Variants in MYO3B observed in about 807,000 individuals in gnomAD.
MYO3B encodes myosin IIIB, also known as myosin-IIIb.
A neutral mutation model predicts 174.6 loss-of-function variants in MYO3B; 156 were observed. The ratio of observed to expected loss-of-function variants is 0.89; its 90% CI spans 0.78 to 1.02. The LOEUF is 1.02. Ranked by LOEUF, MYO3B falls within the 50% of genes least tolerant of loss-of-function variation. MYO3B has a pLI of 0.00. For missense variants in MYO3B, 1,632 were observed against 1,639.4 expected, an observed-to-expected ratio of 1.00 and a Z score of 0.08; for synonymous variants, 563 against 569.1, an observed-to-expected ratio of 0.99 and a Z score of 0.15.
At chr2:170,335,561 C>T (rs2093941868) in intron 8 of MYO3B, 111 bp downstream of exon 8, 3 of 782,148 alleles carry the variant, frequency 3.8e-6, no homozygotes, top group East Asian at 2.6e-5. Context: ...TGCCTGTTAG[C>T]ACGTTATGAC....
intron 7 of MYO3B, among the ~76,000 whole-genome samples, chr2:170,276,149 A>C (rs1441254902): frequency 6.6e-6 from 1 of 152,198 alleles, no homozygotes; most frequent in Non-Finnish European, 1.5e-5. Flanking sequence ...AGCTGGTATC[A>C]ATTTCCCACC....
At chr2:170,420,871 C>T (rs1353626407) in intron 22 of MYO3B, among the ~76,000 whole-genome samples, 2 of 152,280 alleles carry the variant, frequency 1.3e-5, no homozygotes, top group Middle Eastern at 3.4e-3. Flanking sequence ...CCCCTCATCA[C>T]CACACCTCCC....
chr2:170,368,448 T>C (rs183814287), intron 8 of MYO3B, among the ~76,000 whole-genome samples: 92 of 152,354 alleles, frequency 6.0e-4, no homozygotes, highest in African/African-American at 2.0e-3. Flanking sequence ...ATCCAAATCA[T>C]CTTGAATAAC....
intron 32 of MYO3B, among the ~76,000 whole-genome samples, chr2:170,632,876 A>G (rs1310557120): frequency 6.6e-6 from 1 of 152,194 alleles, no homozygotes; most frequent in East Asian, 1.9e-4. Flanking sequence ...ATAAACTAGA[A>G]AATCTAGAAG....
intron 22 of MYO3B, among the ~76,000 whole-genome samples, chr2:170,408,144 G>A (rs75901536): frequency 3.3e-5 from 5 of 152,090 alleles, no homozygotes; most frequent in African/African-American, 4.8e-5. Flanking sequence ...AAAGCCATAC[G>A]ATATCATTAA....
chr2:170,500,478 T>G (rs1355616360), intron 27 of MYO3B, among the ~76,000 whole-genome samples: 1 of 152,160 alleles, frequency 6.6e-6, no homozygotes, highest in African/African-American at 2.4e-5. Context: ...GAGTTTGCCT[T>G]TAATAGATAG....
chr2:170,577,998 G>A (rs1374032458), intron 32 of MYO3B, among the ~76,000 whole-genome samples: 2 of 152,188 alleles, frequency 1.3e-5, no homozygotes, highest in Non-Finnish European at 1.5e-5. Flanking sequence ...ACGTTTACAT[G>A]CACACACAGG....
At chr2:170,308,586 G>A (rs1170245698) in intron 7 of MYO3B, among the ~76,000 whole-genome samples, 1 of 152,068 alleles carries the variant, frequency 6.6e-6, no homozygotes. Context: ...GTGCATCCAG[G>A]TCTCTGTGCC....
intron 8 of MYO3B, among the ~76,000 whole-genome samples, chr2:170,353,854 G>A (rs1405441069): frequency 6.6e-6 from 1 of 152,122 alleles, no homozygotes; most frequent in Non-Finnish European, 1.5e-5. Context: ...TATGGTTATG[G>A]AAGGCTAGTA....
At chr2:170,212,627 G>A (rs972897595) in intron 3 of MYO3B, among the ~76,000 whole-genome samples, 2 of 107,616 alleles carry the variant, frequency 1.9e-5, no homozygotes, top group African/African-American at 7.0e-5. Context: ...GAATTTATTG[G>A]GAGAAAAGGA....
chr2:170,410,840 A>G (rs1196978227), intron 22 of MYO3B, among the ~76,000 whole-genome samples: 1 of 152,010 alleles, frequency 6.6e-6, no homozygotes, highest in Non-Finnish European at 1.5e-5. Flanking sequence ...TGTCATAGTA[A>G]TGTTGGGTTT....
chr2:170,200,360 G>A (rs970239655), intron 3 of MYO3B, 76 bp downstream of exon 3: 2 of 1,517,496 alleles, frequency 1.3e-6, no homozygotes, highest in African/African-American at 1.4e-5. Context: ...TACCTAGAGG[G>A]TGTTTTAAGG....
At chr2:170,473,150 T>C (rs970291332) in intron 25 of MYO3B, among the ~76,000 whole-genome samples, 1 of 113,396 alleles carries the variant, frequency 8.8e-6, no homozygotes, top group East Asian at 2.3e-4. Context: ...TTTTTTTTTT[T>C]TTTTTTTTTT....
At chr2:170,305,772 G>T (rs140816564) in intron 7 of MYO3B, among the ~76,000 whole-genome samples, 2 of 151,910 alleles carry the variant, frequency 1.3e-5, no homozygotes, top group African/African-American at 4.8e-5. Context: ...ATTACTTTTC[G>T]AAACAGGGTC....
intron 8 of MYO3B, among the ~76,000 whole-genome samples, chr2:170,357,353 T>A (rs899518494): frequency 1.4e-4 from 19 of 134,992 alleles, no homozygotes; most frequent in East Asian, 2.1e-4. Flanking sequence ...ATATATATAT[T>A]TTATATATTA....
At chr2:170,463,468 A>G (rs1195066949) in intron 24 of MYO3B, 23 bp downstream of exon 24, 1 of 1,608,514 alleles carries the variant, frequency 6.2e-7, no homozygotes, top group East Asian at 2.2e-5. Flanking sequence ...CTTGATCTCT[A>G]TTCTGCCTGC....
chr2:170,399,914 C>T lies in MYO3B; in HGVS notation c.1792-274C>T, dbSNP rs567183077. 1.1e-3 allele frequency among the ~76,000 whole-genome samples: 164 copies of T among 152,272 alleles called. 1 individual carries two copies. Among genetic ancestry groups the T allele is most frequent in the Non-Finnish European group, 1.5e-3 (101 of 68,030 alleles). On this transcript the variant is annotated intron_variant, in intron 16 of 34. Coordinates refer to ENST00000408978, the MANE Select transcript of MYO3B (RefSeq NM_138995.5). ...GTAAGGCTGTGCTGGGAGTTCCAGC[C>T]GGCAATAATGAGAAGGAAAGTGTGG...
chr2:170,233,415 A>G (rs543744866), intron 6 of MYO3B, among the ~76,000 whole-genome samples: 46 of 152,180 alleles, frequency 3.0e-4, no homozygotes, highest in Non-Finnish European at 6.0e-4. Context: ...GTCTAAAATT[A>G]TGTTTGTCTT....
At chr2:170,222,033 A>AATAAGATCAGAGGTAGTTTCTCGTG (rs2092906745) in intron 6 of MYO3B, among the ~76,000 whole-genome samples, 1 of 152,236 alleles carries the variant, frequency 6.6e-6, no homozygotes, top group Non-Finnish European at 1.5e-5. Context: ...AGTTTCTCGT[A>AATAAGATCAGAGGTAGTTTCTCGTG]TAATAAGATC....
Sources: gnomAD v4.1 joint callset for allele counts (sites outside exome capture counted in the v4.1 genomes callset) on GRCh38, gnomAD v4.1.1 for gene constraint, MANE v1.5 for transcripts, NCBI Gene and HGNC (gene_info 2026-07-23, HGNC 2026-07-21) for gene names.